Variants in ING3 observed in about 807,000 individuals in gnomAD.
ING3 encodes the protein inhibitor of growth protein 3.
Under a neutral mutation model 64.8 loss-of-function variants are expected in ING3, and 6 were observed. The observed-to-expected ratio is 0.09, with a 90% CI of 0.05 to 0.18. The LOEUF is 0.18. Ranked by LOEUF, ING3 falls within the 10% of genes least tolerant of loss-of-function variation. The pLI, the probability that ING3 is intolerant of heterozygous loss-of-function variation, is 1.00. For synonymous variants in ING3, 170 were observed against 173.7 expected, an observed-to-expected ratio of 0.98 and a Z score of 0.17; for missense variants, 310 against 489.7, an observed-to-expected ratio of 0.63 and a Z score of 3.46.
rs749286398 is a variant in ING3 at position 120,974,712 on chromosome 7, CA to C, written c.1141-14del. The C allele has an allele frequency of 5.7e-6, 9 of 1,573,754 alleles. No individual in the cohort carries two copies. The highest frequency in any genetic ancestry group is 1.7e-4 in the Middle Eastern group (1 of 5,942). On this transcript the variant is annotated splice_polypyrimidine_tract_variant and intron_variant, in intron 11 of 11. Transcript: ENST00000315870. ...AGAAGTACTGAAAACTTGTTTTTTG[CA>C]ATTTTGCTTTCTAGTGCCCTATAGA...
intron 3 of ING3, among the ~76,000 whole-genome samples, chr7:120,954,552 A>G (rs2116651192): frequency 6.6e-6 from 1 of 152,302 alleles, no homozygotes; most frequent in South Asian, 2.1e-4. Context: ...AGGAAAAAAA[A>G]AAATCATAAT....
chr7:120,955,133 G>GT (rs1291637706), intron 3 of ING3, among the ~76,000 whole-genome samples: 4 of 151,630 alleles, frequency 2.6e-5, no homozygotes, highest in African/African-American at 7.3e-5. Context: ...GTTTTGTTTT[G>GT]TTTTTTGTTT....
chr7:120,964,620 G>T, intron 4 of ING3, 122 bp from the exon 5 acceptor site: 1 of 671,644 alleles, frequency 1.5e-6, no homozygotes, highest in South Asian at 1.8e-5. Context: ...TAGATTAATT[G>T]ACTTGCTCAA....
intron 4 of ING3, chr7:120,956,858 G>A (rs1390097227): frequency 1.1e-6 from 1 of 923,380 alleles, no homozygotes; most frequent in African/African-American, 1.8e-5. Context: ...AATTCATATA[G>A]CTCTTTGGTT....
At chr7:120,973,359 A>G in intron 11 of ING3, 116 bp downstream of exon 11, 1 of 686,316 alleles carries the variant, frequency 1.5e-6, no homozygotes, top group Non-Finnish European at 2.6e-6. Flanking sequence ...CAGGTATATT[A>G]GTTATATTAT....
At chr7:120,970,464 C>CA (rs1256846502) in intron 9 of ING3, among the ~76,000 whole-genome samples, 1,164 of 89,774 alleles carry the variant, frequency 0.013, 6 homozygotes, top group Middle Eastern at 0.029. Flanking sequence ...GACTCCATCT[C>CA]AAAAAAAAAA....
intron 4 of ING3, among the ~76,000 whole-genome samples, chr7:120,957,519 G>A (rs73221221): frequency 6.6e-6 from 1 of 152,172 alleles, no homozygotes; most frequent in African/African-American, 2.4e-5. Flanking sequence ...ATATTAAGGG[G>A]TGTCTACTGA....
At position 120,952,760 on chromosome 7, in the gene ING3, C is replaced by CT. The variant is rs778550827; in HGVS notation, c.101-533dup. ...ACAGAATCTTTTTTATTAATTTTTC[C>CT]TTTTTTTTTTTAGCAGACATCCAAT... is the stretch of plus-strand genomic sequence containing the variant. On this transcript the variant is annotated intron_variant, in intron 2 of 11. Coordinates refer to ENST00000315870, the MANE Select transcript of ING3 (RefSeq NM_019071.3). 3.0e-3 allele frequency among the ~76,000 whole-genome samples: 429 copies of CT among 144,086 alleles called. 2 individuals are homozygous for CT. The highest frequency in any genetic ancestry group is 0.029 in the Middle Eastern group (8 of 278). The allele number at this position is 144,086 out of a possible 152,430, so 94.5% of individuals were successfully genotyped here.
At chr7:120,953,208 G>C in intron 2 of ING3, 96 bp from the exon 3 acceptor site, 1 of 624,610 alleles carries the variant, frequency 1.6e-6, no homozygotes, top group East Asian at 3.0e-5. Flanking sequence ...GTGAAAGAGT[G>C]TGTATTGTCA....
chr7:120,952,554 A>G (rs916320015), intron 2 of ING3, among the ~76,000 whole-genome samples: 17 of 152,192 alleles, frequency 1.1e-4, no homozygotes, highest in African/African-American at 1.7e-4. Flanking sequence ...TCTAAAGTTA[A>G]TAGGTATTAT....
chr7:120,973,319 T>C, intron 11 of ING3, 76 bp downstream of exon 11: 2 of 990,872 alleles, frequency 2.0e-6, no homozygotes, highest in African/African-American at 3.2e-5. Context: ...TCTTATTTGC[T>C]GTATGGTTTG....
At chr7:120,959,852 A>T (rs1269141256) in intron 4 of ING3, among the ~76,000 whole-genome samples, 1 of 151,380 alleles carries the variant, frequency 6.6e-6, no homozygotes, top group Non-Finnish European at 1.5e-5. Context: ...TCACCGTGTT[A>T]GCCAGGATGG....
intron 4 of ING3, among the ~76,000 whole-genome samples, chr7:120,957,537 T>A (rs1795867933): frequency 6.6e-6 from 1 of 152,184 alleles, no homozygotes; most frequent in Non-Finnish European, 1.5e-5. Flanking sequence ...TGAAAAACAT[T>A]GAAGTAAGTC....
In ING3 at chr7:120,973,302, A is replaced by G. The variant is rs893363108; in HGVS notation, c.1140+59A>G. 11 of 1,119,182 alleles carry G rather than the reference A, an allele frequency of 9.8e-6. No homozygotes were observed. The Admixed American group carries it at 1.5e-4, about 15-fold the overall frequency. The allele number at this position is 1,119,182 out of a possible 1,614,324, so 69.3% of individuals were successfully genotyped here. ...AAAATCACAGGTTGTTATTACTTGA[A>G]TATTTGTCTTATTTGCTGTATGGTT... On this transcript the variant is annotated intron_variant, in intron 11 of 11. Coordinates refer to ENST00000315870, the MANE Select transcript of ING3 (RefSeq NM_019071.3).
chr7:120,964,608 C>CA, intron 4 of ING3, 134 bp from the exon 5 acceptor site: 1 of 633,854 alleles, frequency 1.6e-6, no homozygotes, highest in Non-Finnish European at 2.8e-6. Context: ...ACCTCTGAGG[C>CA]ATAGATTAAT....
At chr7:120,964,957 C>A in intron 5 of ING3, 119 bp downstream of exon 5, 1 of 730,862 alleles carries the variant, frequency 1.4e-6, no homozygotes, top group South Asian at 1.7e-5. Flanking sequence ...GGCATCCAGG[C>A]CAGATAGCTT....
At chr7:120,965,601 C>CT (rs1319182404) in intron 5 of ING3, among the ~76,000 whole-genome samples, 2 of 151,838 alleles carry the variant, frequency 1.3e-5, no homozygotes, top group South Asian at 2.1e-4. Context: ...ACTTACAAAC[C>CT]TTCTTTTTCT....
chr7:120,959,637 T>A (rs1253541566), intron 4 of ING3, among the ~76,000 whole-genome samples: 1 of 97,058 alleles, frequency 1.0e-5, no homozygotes, highest in Non-Finnish European at 1.8e-5. Context: ...CACATTTTTT[T>A]TTTTTTTTTT....
chr7:120,973,662 C>T lies in ING3; in HGVS notation c.1140+419C>T, dbSNP rs371384472. Among the ~76,000 whole-genome samples the T allele has an allele frequency of 8.5e-5, 13 of 152,236 alleles. No homozygotes were observed. The East Asian group carries it at 1.3e-3, about 16-fold the overall frequency. ...GAGGATCTAATGTGAGATTATCTTCCTCTCATGAGTATAATATTTTTTCCT... is the reference window on the plus strand; with the variant it reads ...GAGGATCTAATGTGAGATTATCTTCTTCTCATGAGTATAATATTTTTTCCT... On this transcript the variant is annotated intron_variant, in intron 11 of 11. Coordinates refer to ENST00000315870, the MANE Select transcript of ING3 (RefSeq NM_019071.3).
Sources: allele counts gnomAD v4.1 joint callset (sites outside exome capture counted in the v4.1 genomes callset), GRCh38; gene constraint gnomAD v4.1.1; transcripts MANE v1.5; gene names NCBI Gene and HGNC (gene_info 2026-07-23, HGNC 2026-07-21).